KCNMB2: variants seen among roughly 807,000 people sequenced by gnomAD.
KCNMB2 encodes the protein potassium calcium-activated channel subfamily M regulatory beta subunit 2, also known as calcium-activated potassium channel subunit beta-2.
Under a neutral mutation model 24.5 loss-of-function variants are expected in KCNMB2, and 9 were observed. That is an observed-to-expected ratio of 0.37 (90% confidence interval 0.22 to 0.64). The LOEUF (loss-of-function observed/expected upper bound fraction) is 0.64. KCNMB2 is among the 30% of genes least tolerant of loss of function. The pLI, the probability that KCNMB2 is intolerant of heterozygous loss-of-function variation, is 0.63. For missense variants in KCNMB2, 226 were observed against 284.3 expected (o/e 0.79, Z 1.47); for synonymous variants, 109 against 104.4 (o/e 1.04, Z -0.27).
At chr3:178,733,791 A>G (rs943837553) in intron 1 of KCNMB2, among the ~76,000 whole-genome samples, 2 of 152,180 alleles carry the variant, frequency 1.3e-5, no homozygotes, top group Admixed American at 6.5e-5. Flanking sequence ...TAAATTTTTA[A>G]GTGATCATCT....
At chr3:178,679,559 C>T (rs1721195685) in intron 1 of KCNMB2, among the ~76,000 whole-genome samples, 1 of 152,170 alleles carries the variant, frequency 6.6e-6, no homozygotes, top group Non-Finnish European at 1.5e-5. Context: ...ACACAAAGCT[C>T]AGAGTGACAT....
rs145903040 is a variant in KCNMB2 at position 178,599,489 on chromosome 3, T to C, written c.-68+62778T>C. On this transcript the variant is annotated intron_variant, in intron 1 of 4. Coordinates refer to ENST00000452583, the MANE Select transcript of KCNMB2 (RefSeq NM_181361.3). ...CTATCAAAACAATACACATTAAATG[T>C]TGATGACAAATCGCAACACACAATT... Among the ~76,000 whole-genome samples, 199 of 152,314 alleles carry C rather than the reference T, an allele frequency of 1.3e-3. 1 individual carries two copies. Among genetic ancestry groups the C allele is most frequent in the African/African-American group, 4.5e-3 (188 of 41,568 alleles).
chr3:178,836,152 C>A (rs1194524992), intron 4 of KCNMB2, among the ~76,000 whole-genome samples: 1 of 152,040 alleles, frequency 6.6e-6, no homozygotes, highest in Non-Finnish European at 1.5e-5. Flanking sequence ...CTTACTGCCT[C>A]CTCCCTTCCC....
At chr3:178,696,654 T>C (rs1474536156) in intron 1 of KCNMB2, among the ~76,000 whole-genome samples, 1 of 152,222 alleles carries the variant, frequency 6.6e-6, no homozygotes, top group Non-Finnish European at 1.5e-5. Context: ...TTGGATTTCT[T>C]TGCACTTGAT....
At chr3:178,836,514 A>G (rs1479181128) in intron 4 of KCNMB2, among the ~76,000 whole-genome samples, 2 of 152,172 alleles carry the variant, frequency 1.3e-5, no homozygotes, top group East Asian at 3.9e-4. Context: ...CTGTCTGTCA[A>G]GAATCTAAGG....
chr3:178,802,898 A>T (rs529950126), intron 1 of KCNMB2, among the ~76,000 whole-genome samples: 11 of 152,338 alleles, frequency 7.2e-5, no homozygotes, highest in African/African-American at 2.6e-4. Flanking sequence ...TCAATAGTCT[A>T]AATGTACAAG....
At chr3:178,620,871 A>G (rs1167864954) in intron 1 of KCNMB2, among the ~76,000 whole-genome samples, 1 of 152,244 alleles carries the variant, frequency 6.6e-6, no homozygotes, top group Non-Finnish European at 1.5e-5. Context: ...TTCTAGGCAG[A>G]GAAGGACAGA....
intron 2 of KCNMB2, among the ~76,000 whole-genome samples, chr3:178,813,971 TTGTTGTTGTTGTTGC>T (rs1193783969): frequency 1.4e-4 from 20 of 146,636 alleles, no homozygotes; most frequent in African/African-American, 2.6e-4. Flanking sequence ...GTTGTTGTTG[TTGTTGTTGTTGTTGC>T]TGCTGCTGCT....
At chr3:178,808,985 C>A (rs1157269796) in intron 2 of KCNMB2, among the ~76,000 whole-genome samples, 1 of 152,130 alleles carries the variant, frequency 6.6e-6, no homozygotes, top group African/African-American at 2.4e-5. Flanking sequence ...TGACACCAAG[C>A]AGATTAACTG....
chr3:178,795,066 T>C (rs1170307712), intron 1 of KCNMB2: 1 of 152,130 alleles, frequency 6.6e-6, no homozygotes, highest in Non-Finnish European at 1.5e-5. Flanking sequence ...GATTACATAT[T>C]TGATGTTAAA....
intron 1 of KCNMB2, among the ~76,000 whole-genome samples, chr3:178,560,516 C>CA (rs1207240282): frequency 1.3e-5 from 2 of 152,220 alleles, no homozygotes; most frequent in African/African-American, 4.8e-5. Flanking sequence ...ACTGCATGGG[C>CA]AAATGCACTC....
chr3:178,775,345 G>C (rs1248082766), intron 1 of KCNMB2, among the ~76,000 whole-genome samples: 2 of 151,848 alleles, frequency 1.3e-5, no homozygotes, highest in African/African-American at 4.8e-5. Flanking sequence ...TATAACAAAT[G>C]TTATGTAAAT....
chr3:178,539,380 G>A (rs993896336), intron 1 of KCNMB2, among the ~76,000 whole-genome samples: 33 of 151,978 alleles, frequency 2.2e-4, no homozygotes, highest in South Asian at 2.1e-4. Context: ...TCAGTGAGGC[G>A]GAATTGGTGC....
intron 1 of KCNMB2, among the ~76,000 whole-genome samples, chr3:178,719,616 A>AT (rs1722729711): frequency 6.6e-6 from 1 of 152,214 alleles, no homozygotes; most frequent in African/African-American, 2.4e-5. Context: ...TAAACTCATG[A>AT]TTTTTATGTT....
chr3:178,614,303 A>ATATATATGTATGTG (rs1718622641), intron 1 of KCNMB2, among the ~76,000 whole-genome samples: 1 of 110,022 alleles, frequency 9.1e-6, no homozygotes, highest in Admixed American at 1.0e-4. Flanking sequence ...ATATGTATGT[A>ATATATATGTATGTG]TATATATGTA....
chr3:178,612,602 C>A (rs1488086515), intron 1 of KCNMB2, among the ~76,000 whole-genome samples: 1 of 152,050 alleles, frequency 6.6e-6, no homozygotes, highest in East Asian at 1.9e-4. Flanking sequence ...TTTTTTCCAA[C>A]CTTTTATTTT....
chr3:178,619,176 G>A (rs1718819399), intron 1 of KCNMB2, among the ~76,000 whole-genome samples: 1 of 152,306 alleles, frequency 6.6e-6, no homozygotes, highest in South Asian at 2.1e-4. Context: ...AGAATTTACA[G>A]TCTAGTAGGG....
At chr3:178,648,884 G>C (rs1262226716) in intron 1 of KCNMB2, among the ~76,000 whole-genome samples, 1 of 152,144 alleles carries the variant, frequency 6.6e-6, no homozygotes, top group Non-Finnish European at 1.5e-5. Flanking sequence ...ATTATTTGGT[G>C]TGCTAATATA....
chr3:178,836,532 A>G (rs999304100), intron 4 of KCNMB2, among the ~76,000 whole-genome samples: 1 of 152,208 alleles, frequency 6.6e-6, no homozygotes, highest in African/African-American at 2.4e-5. Flanking sequence ...AGGATTGGGA[A>G]AAGCAGTAAG....
Sources: gnomAD v4.1 joint callset for allele counts (sites outside exome capture counted in the v4.1 genomes callset) on GRCh38, gnomAD v4.1.1 for gene constraint, MANE v1.5 for transcripts, NCBI Gene and HGNC (gene_info 2026-07-23, HGNC 2026-07-21) for gene names.